ABLIM3: variants seen among roughly 807,000 people sequenced by gnomAD.
The protein encoded by ABLIM3 is actin-binding LIM protein 3.
Under a neutral mutation model 109.5 loss-of-function variants are expected in ABLIM3, and 61 were observed. That is an observed-to-expected ratio of 0.56 (90% CI 0.45 to 0.69). The LOEUF (loss-of-function observed/expected upper bound fraction) is 0.69. Ranked by LOEUF, ABLIM3 falls within the 30% of genes least tolerant of loss-of-function variation. The probability of loss-of-function intolerance (pLI) is 0.00; values close to 1 mark genes in which losing one functional copy is unlikely to be tolerated. For missense variants in ABLIM3, 796 were observed against 889.5 expected (o/e 0.89, Z 1.34); for synonymous variants, 300 against 324.8 (o/e 0.92, Z 0.82).
At chr5:149,168,777 A>G (rs1335146816) in intron 2 of ABLIM3, among the ~76,000 whole-genome samples, 1 of 152,226 alleles carries the variant, frequency 6.6e-6, no homozygotes, top group East Asian at 1.9e-4. Context: ...TTTGATACAC[A>G]TTAGTATCAG....
chr5:149,186,214 G>T (rs1756942145), intron 3 of ABLIM3, among the ~76,000 whole-genome samples: 1 of 152,106 alleles, frequency 6.6e-6, no homozygotes, highest in Non-Finnish European at 1.5e-5. Flanking sequence ...AGGAGTTTGA[G>T]ACCAGCCTGG....
intron 8 of ABLIM3, among the ~76,000 whole-genome samples, chr5:149,227,949 A>G (rs574324318): frequency 5.3e-5 from 8 of 152,302 alleles, no homozygotes; most frequent in South Asian, 4.1e-4. Context: ...TAGAATTTAC[A>G]TTCTTATCAG....
chr5:149,179,134 A>G (rs1756237659), intron 2 of ABLIM3, among the ~76,000 whole-genome samples: 1 of 152,220 alleles, frequency 6.6e-6, no homozygotes, highest in Non-Finnish European at 1.5e-5. Context: ...TTTTGCTCCA[A>G]CAACTTGAAA....
chr5:149,147,090 G>A (rs1046685550), intron 2 of ABLIM3, among the ~76,000 whole-genome samples: 15 of 131,980 alleles, frequency 1.1e-4, no homozygotes, highest in East Asian at 2.6e-4. Context: ...TCTCTCTCTC[G>A]CTCGCTTGCT....
intron 5 of ABLIM3, among the ~76,000 whole-genome samples, chr5:149,205,668 AAG>A (rs972722314): frequency 1.3e-5 from 2 of 152,208 alleles, no homozygotes; most frequent in Non-Finnish European, 2.9e-5. Context: ...AATAGAAAGG[AAG>A]AGAGATAAAT....
chr5:149,245,067 A>G, intron 16 of ABLIM3, 52 bp downstream of exon 16: 2 of 1,609,802 alleles, frequency 1.2e-6, no homozygotes, highest in Non-Finnish European at 1.7e-6. Context: ...TGTGCCAAGG[A>G]CACGGGTGTT....
intron 8 of ABLIM3, among the ~76,000 whole-genome samples, chr5:149,226,881 G>C (rs984049629): frequency 1.3e-5 from 2 of 152,048 alleles, no homozygotes; most frequent in African/African-American, 4.8e-5. Context: ...GACCAGCCTG[G>C]CCAACACAGA....
At chr5:149,197,454 C>T (rs74928934) in intron 3 of ABLIM3, among the ~76,000 whole-genome samples, 162 of 152,178 alleles carry the variant, frequency 1.1e-3, no homozygotes, top group African/African-American at 2.8e-3. Context: ...GGACCATCAC[C>T]GATGATATGG....
chr5:149,219,408 A>G (rs920049031), intron 8 of ABLIM3: 4 of 152,252 alleles, frequency 2.6e-5, no homozygotes, highest in African/African-American at 7.2e-5. Flanking sequence ...GATGCTGTCT[A>G]CTTACTTATA....
At chr5:149,244,101 C>T (rs987470033) in intron 15 of ABLIM3, 1 of 152,658 alleles carries the variant, frequency 6.6e-6, no homozygotes, top group African/African-American at 2.4e-5. Context: ...CTTCCCCAGC[C>T]CCTCTCTCTG....
chr5:149,244,999 C>T lies in ABLIM3; in HGVS notation c.1470C>T (p.Tyr490=). Reference sequence around the variant, plus strand: ...CTTCGGAGTCTGAGTACTGGACCTACCATGGGTCCCCCAAAGGTAGTACCC... The same window carrying T: ...CTTCGGAGTCTGAGTACTGGACCTATCATGGGTCCCCCAAAGGTAGTACCC... ...YYASESEYWT[Y]HGSPKVPRAR... The change falls in exon 16 of 24, where the codon TAC becomes TAT. Residue 490 remains tyrosine (Y), a synonymous_variant. Transcript: ENST00000309868. 3 of 1,614,164 alleles carry T rather than the reference C, an allele frequency of 1.9e-6. No homozygotes were observed. Among genetic ancestry groups the T allele is most frequent in the Non-Finnish European group, 2.5e-6 (3 of 1,180,040 alleles).
intron 2 of ABLIM3, among the ~76,000 whole-genome samples, chr5:149,172,881 T>C (rs956343580): frequency 6.6e-6 from 1 of 152,216 alleles, no homozygotes; most frequent in Non-Finnish European, 1.5e-5. Context: ...ATGCAACTCT[T>C]GTACTTTGTA....
At chr5:149,163,340 C>T (rs1000326982) in intron 2 of ABLIM3, among the ~76,000 whole-genome samples, 12 of 152,264 alleles carry the variant, frequency 7.9e-5, no homozygotes, top group Admixed American at 2.6e-4. Context: ...ATTGCATGGT[C>T]CTGATTCCCT....
intron 8 of ABLIM3, among the ~76,000 whole-genome samples, chr5:149,225,998 A>G (rs1160467079): frequency 5.8e-4 from 45 of 77,670 alleles, no homozygotes; most frequent in East Asian, 5.4e-3. Flanking sequence ...ATATATATAT[A>G]TATATATATA....
intron 2 of ABLIM3, among the ~76,000 whole-genome samples, chr5:149,157,991 C>T (rs763841368): frequency 7.2e-5 from 11 of 152,206 alleles, no homozygotes; most frequent in African/African-American, 1.4e-4. Flanking sequence ...ATAATGACCT[C>T]TTATTTATCA....
At position 149,201,685 on chromosome 5, in the gene ABLIM3, G is replaced by A. The variant is rs565811198; in HGVS notation, c.448+1257G>A. ...CAGGTTTCCATGTCAAGGTGACTGA[G>A]TGCATACAGTGTTATCCTTCACAGC... On this transcript the variant is annotated intron_variant, in intron 5 of 23. Coordinates refer to ENST00000309868, the MANE Select transcript of ABLIM3 (RefSeq NM_014945.5). Among the ~76,000 whole-genome samples, 75 of 152,316 alleles carry A rather than the reference G, an allele frequency of 4.9e-4. 3 individuals carry two copies. The Middle Eastern group carries it at 0.01, about 21-fold the overall frequency.
chr5:149,162,864 T>G (rs1754500375), intron 2 of ABLIM3, among the ~76,000 whole-genome samples: 1 of 152,234 alleles, frequency 6.6e-6, no homozygotes, highest in Admixed American at 6.5e-5. Context: ...GCCACCTGCC[T>G]CAAAATGTGT....
chr5:149,163,830 C>G (rs914250170), intron 2 of ABLIM3: 1 of 152,152 alleles, frequency 6.6e-6, no homozygotes, highest in Non-Finnish European at 1.5e-5. Flanking sequence ...TTCTCTTCCC[C>G]TAATTTCAAG....
At chr5:149,150,087 G>T (rs1373558448) in intron 2 of ABLIM3, among the ~76,000 whole-genome samples, 1 of 152,174 alleles carries the variant, frequency 6.6e-6, no homozygotes, top group Admixed American at 6.5e-5. Flanking sequence ...CCAATCAGGA[G>T]CCAGAGGGCA....
Sources: allele counts gnomAD v4.1 joint callset (sites outside exome capture counted in the v4.1 genomes callset), GRCh38; gene constraint gnomAD v4.1.1; transcripts MANE v1.5; gene names NCBI Gene and HGNC (gene_info 2026-07-23, HGNC 2026-07-21).